Variants in NRXN3 observed in about 807,000 individuals in gnomAD.
The protein encoded by NRXN3 is neurexin 3, also known as neurexin III.
NRXN3 carries 32 observed loss-of-function variants against 137.6 expected under a neutral mutation model. That is an observed-to-expected ratio of 0.23 (90% CI 0.18 to 0.31). The LOEUF (loss-of-function observed/expected upper bound fraction) is 0.31, where lower values mean the gene tolerates loss of function less well. Among genes scored for constraint, NRXN3 ranks in the 10% least tolerant of loss-of-function variants. The pLI, the probability that NRXN3 is intolerant of heterozygous loss-of-function variation, is 1.00. For synonymous variants in NRXN3, 798 were observed against 784.5 expected, an observed-to-expected ratio of 1.02 and a Z score of -0.29; for missense variants, 1,574 against 2,062.5, an observed-to-expected ratio of 0.76 and a Z score of 4.59.
chr14:78,234,528 G>T (rs1311576298), intron 1 of NRXN3, among the ~76,000 whole-genome samples: 2 of 152,160 alleles, frequency 1.3e-5, no homozygotes, highest in Non-Finnish European at 2.9e-5. Context: ...AGGAAGTCTG[G>T]CTCTAGAGCC....
chr14:78,696,853 T>G (rs191479732), intron 6 of NRXN3, among the ~76,000 whole-genome samples: 1 of 152,206 alleles, frequency 6.6e-6, no homozygotes, highest in East Asian at 1.9e-4. Context: ...TCTGTTAATA[T>G]TAGCTATCAC....
chr14:79,251,781 C>G (rs1325476885), intron 15 of NRXN3, among the ~76,000 whole-genome samples: 2 of 151,846 alleles, frequency 1.3e-5, no homozygotes, highest in East Asian at 3.9e-4. Flanking sequence ...ACTATTACCC[C>G]CATTTTTCTC....
chr14:78,871,663 T>G (rs542577576), intron 10 of NRXN3, among the ~76,000 whole-genome samples: 4 of 152,122 alleles, frequency 2.6e-5, no homozygotes, highest in Non-Finnish European at 5.9e-5. Context: ...CATCCAAAAC[T>G]TTGGAATTGG....
At chr14:78,619,585 C>T (rs938951051) in intron 4 of NRXN3, among the ~76,000 whole-genome samples, 3 of 152,104 alleles carry the variant, frequency 2.0e-5, no homozygotes, top group African/African-American at 7.2e-5. Flanking sequence ...GGGTTGCTCC[C>T]TCATACTGCT....
At chr14:79,566,971 G>A (rs1257877923) in intron 16 of NRXN3, among the ~76,000 whole-genome samples, 1 of 152,082 alleles carries the variant, frequency 6.6e-6, no homozygotes, top group African/African-American at 2.4e-5. Flanking sequence ...GGGTTATCTT[G>A]TTCAAATAGC....
chr14:78,193,400 G>A (rs1290542380), intron 1 of NRXN3, among the ~76,000 whole-genome samples: 1 of 152,110 alleles, frequency 6.6e-6, no homozygotes, highest in Non-Finnish European at 1.5e-5. Flanking sequence ...TCACATGAAA[G>A]GCTTTTAAAG....
At chr14:79,284,384 ATG>A (rs1555354900) in intron 15 of NRXN3, among the ~76,000 whole-genome samples, 104 of 114,204 alleles carry the variant, frequency 9.1e-4, no homozygotes, top group Non-Finnish European at 1.4e-3. Flanking sequence ...ATATATATAT[ATG>A]TATCTCCAAT....
chr14:79,149,226 A>G (rs1262626091), intron 15 of NRXN3, among the ~76,000 whole-genome samples: 1 of 152,068 alleles, frequency 6.6e-6, no homozygotes, highest in Non-Finnish European at 1.5e-5. Flanking sequence ...TCCAAAGTCC[A>G]AAGGTCAGAT....
At chr14:79,037,884 G>A (rs1477447401) in intron 15 of NRXN3, among the ~76,000 whole-genome samples, 2 of 152,134 alleles carry the variant, frequency 1.3e-5, no homozygotes, top group Non-Finnish European at 2.9e-5. Context: ...GGTACGGGCT[G>A]TGGTGACAGG....
At chr14:78,412,584 A>G (rs1467530935) in intron 4 of NRXN3, among the ~76,000 whole-genome samples, 4 of 152,118 alleles carry the variant, frequency 2.6e-5, no homozygotes, top group Non-Finnish European at 4.4e-5. Context: ...TCATATTTAG[A>G]TGGGGAAACT....
intron 11 of NRXN3, among the ~76,000 whole-genome samples, chr14:78,962,091 A>C (rs142333144): frequency 6.6e-6 from 1 of 152,204 alleles, no homozygotes; most frequent in Non-Finnish European, 1.5e-5. Context: ...TTCTTGGGCA[A>C]TGATGTGAGG....
At chr14:79,055,987 A>G (rs1428171174) in intron 15 of NRXN3, among the ~76,000 whole-genome samples, 1 of 152,194 alleles carries the variant, frequency 6.6e-6, no homozygotes, top group East Asian at 1.9e-4. Flanking sequence ...AAGAAGTGAA[A>G]TGTTTAAAGA....
chr14:79,765,744 G>A (rs973226511), intron 19 of NRXN3, among the ~76,000 whole-genome samples: 9 of 152,280 alleles, frequency 5.9e-5, no homozygotes, highest in East Asian at 5.8e-4. Flanking sequence ...TGAGAGCCCC[G>A]TGCAGGGTCA....
chr14:78,922,897 C>G (rs184627852), intron 10 of NRXN3, among the ~76,000 whole-genome samples: 1 of 152,324 alleles, frequency 6.6e-6, no homozygotes. Context: ...TCTTTAGCGT[C>G]TTTCATGTGA....
intron 15 of NRXN3, among the ~76,000 whole-genome samples, chr14:79,081,700 A>G (rs2047049666): frequency 6.6e-6 from 1 of 152,124 alleles, no homozygotes; most frequent in South Asian, 2.1e-4. Flanking sequence ...AAATTACTAT[A>G]CGGTACAAAA....
chr14:78,395,140 T>C (rs2091301792), intron 4 of NRXN3, among the ~76,000 whole-genome samples: 1 of 151,782 alleles, frequency 6.6e-6, no homozygotes, highest in Non-Finnish European at 1.5e-5. Flanking sequence ...TGGCCTTAGA[T>C]TATAAATTTG....
At chr14:79,065,975 T>C (rs2099680199) in intron 15 of NRXN3, among the ~76,000 whole-genome samples, 1 of 152,156 alleles carries the variant, frequency 6.6e-6, no homozygotes, top group Admixed American at 6.6e-5. Context: ...CCCCTTTTGC[T>C]GTGCAGAAGC....
intron 1 of NRXN3, among the ~76,000 whole-genome samples, chr14:78,209,902 G>A (rs1007988458): frequency 6.6e-6 from 1 of 151,980 alleles, no homozygotes; most frequent in African/African-American, 2.4e-5. Flanking sequence ...TCACCATTGG[G>A]CATACTATTT....
Position 78,653,477 on chromosome 14 carries a change from G to T in NRXN3, c.1221+2151G>T, listed in dbSNP as rs138753626. ...TTGTAGTGCAACAGTCCTGAGCATG[G>T]AGTCTCTCCAGGACAGGATTTAGGT... On this transcript the variant is annotated intron_variant, in intron 6 of 20. Coordinates refer to ENST00000335750, the MANE Select transcript of NRXN3 (RefSeq NM_001330195.2). Among the ~76,000 whole-genome samples the T allele has an allele frequency of 5.5e-4, 83 of 152,238 alleles. 1 individual carries two copies. The highest frequency in any genetic ancestry group is 1.8e-3 in the African/African-American group (76 of 41,540).
Sources: allele counts gnomAD v4.1 joint callset (sites outside exome capture counted in the v4.1 genomes callset), GRCh38; gene constraint gnomAD v4.1.1; transcripts MANE v1.5; gene names NCBI Gene and HGNC (gene_info 2026-07-23, HGNC 2026-07-21).